MAP3K3: variants seen among roughly 807,000 people sequenced by gnomAD.
MAP3K3 encodes MAP/ERK kinase kinase 3.
MAP3K3 carries 12 observed loss-of-function variants against 80.9 expected under a neutral mutation model. That is an observed-to-expected ratio of 0.15 (90% CI 0.10 to 0.24). MAP3K3 has a LOEUF of 0.24. Ranked by LOEUF, MAP3K3 falls within the 10% of genes least tolerant of loss-of-function variation. The pLI is 1.00. For missense variants in MAP3K3, 596 were observed against 834.7 expected, an observed-to-expected ratio of 0.71 and a Z score of 3.52; for synonymous variants, 272 against 307.1, an observed-to-expected ratio of 0.89 and a Z score of 1.19.
rs778598069 is a variant in MAP3K3 at position 63,652,651 on chromosome 17, A to G, written c.262A>G (p.Asn88Asp). The G allele has an allele frequency of 6.2e-7, 1 of 1,610,100 alleles. No individual in the cohort carries two copies. ...GQPLDLHYMN[N>D]ELSILLKNQD... The stretch of plus-strand genomic sequence containing the variant: ...ACCTCTTGATCTACATTACATGAAC[A>G]ATGAGGTGAGAAGGCAGATGGATGG... The change falls in exon 4 of 16, where the codon AAT becomes GAT. Residue 88 changes from asparagine to aspartate, a missense_variant. Coordinates refer to ENST00000361733, the MANE Select transcript of MAP3K3 (RefSeq NM_002401.5).
rs766032902 is a variant in MAP3K3 at position 63,689,750 on chromosome 17, C to T, written c.1063+15C>T. 2 of 1,601,032 alleles carry T rather than the reference C, an allele frequency of 1.2e-6. No homozygotes were observed. Among genetic ancestry groups the T allele is most frequent in the Non-Finnish European group, 1.7e-6 (2 of 1,171,548 alleles). ...GCCAACCAAGTGTGAGGAGCTGTCC[C>T]TGGCTAGGAGGAGACTGCCCAGGTG... On this transcript the variant is annotated intron_variant, in intron 11 of 15. Coordinates refer to ENST00000361733, the MANE Select transcript of MAP3K3 (RefSeq NM_002401.5). This position sits in a 1 kb window ranked among gnomAD's most constrained non-coding sequence, Gnocchi z 4.3.
rs1412817142 is a variant in MAP3K3 at position 63,646,088 on chromosome 17, C to T, written c.167+14C>T. The T allele has an allele frequency of 6.2e-7, 1 of 1,613,050 alleles. No individual in the cohort carries two copies. Among genetic ancestry groups the T allele is most frequent in the Non-Finnish European group, 8.5e-7 (1 of 1,179,206 alleles). On this transcript the variant is annotated intron_variant, in intron 3 of 15. Transcript: ENST00000361733. The stretch of plus-strand genomic sequence containing the variant: ...CGGGGAGAGGCGGTAAGTCTGCCTT[C>T]TGATGAGTAGCTGTGTTCATGTATG...
intron 2 of MAP3K3, among the ~76,000 whole-genome samples, chr17:63,644,865 G>A (rs1341290531): frequency 2.0e-5 from 3 of 151,728 alleles, no homozygotes; most frequent in South Asian, 2.1e-4. Flanking sequence ...TTTCTTCATC[G>A]ACTATGACTT....
intron 3 of MAP3K3, 48 bp from the exon 4 acceptor site, chr17:63,652,509 A>G (rs1454410103): frequency 5.7e-6 from 7 of 1,222,862 alleles, no homozygotes; most frequent in South Asian, 2.4e-5. Context: ...TTTAAACCCT[A>G]CGTTTTAAGT....
At chr17:63,656,114 C>T (rs969296246) in intron 4 of MAP3K3, among the ~76,000 whole-genome samples, 2 of 151,868 alleles carry the variant, frequency 1.3e-5, no homozygotes, top group Non-Finnish European at 2.9e-5. Flanking sequence ...CCTGTAATCC[C>T]AGCTACTTGA....
chr17:63,688,662 G>A (rs991433097), intron 9 of MAP3K3, 68 bp downstream of exon 9: 30 of 1,501,696 alleles, frequency 2.0e-5, no homozygotes, highest in Middle Eastern at 1.7e-4. Context: ...GCTCTGCTTC[G>A]ACTTTTCTGA....
In MAP3K3 at chr17:63,689,695, G is replaced by C; in HGVS notation, c.1023G>C (p.Glu341Asp). 6.2e-7 allele frequency: 1 copy of C among 1,613,944 alleles called. No homozygotes were observed. The highest frequency in any genetic ancestry group is 1.3e-5 in the African/African-American group (1 of 75,056). Residue 341 changes from glutamate to aspartate, a missense_variant, in exon 11 of 16, where the codon GAG (glutamate) becomes GAC (aspartate). Physicochemically the swap from Glu to Asp is conservative, Grantham distance 45 (BLOSUM62 2). Coordinates refer to ENST00000361733, the MANE Select transcript of MAP3K3 (RefSeq NM_002401.5). The surrounding 1 kb of genome is among the most constrained non-coding windows in gnomAD (Gnocchi z 4.3). ...PRGRLRSADSENALSVQERNV... is the reference protein window; with the variant it reads ...PRGRLRSADSDNALSVQERNV... The stretch of plus-strand genomic sequence containing the variant: ...GGCGCCTGCGGAGTGCGGACAGCGA[G>C]AATGCCCTCTCTGTGCAGGAGAGGA...
intron 6 of MAP3K3, among the ~76,000 whole-genome samples, chr17:63,680,801 G>C (rs905941021): frequency 4.0e-5 from 6 of 148,294 alleles, no homozygotes; most frequent in Non-Finnish European, 5.9e-5. Context: ...TGGGTGTTTT[G>C]GGTTTTTTTT....
intron 6 of MAP3K3, among the ~76,000 whole-genome samples, chr17:63,678,543 G>T (rs1244744498): frequency 1.9e-4 from 29 of 152,272 alleles, no homozygotes; most frequent in African/African-American, 6.7e-4. Flanking sequence ...CAGGTGGGGA[G>T]GCCAGATTAC....
chr17:63,671,173 A>G (rs1428946824), intron 6 of MAP3K3, among the ~76,000 whole-genome samples: 5 of 152,024 alleles, frequency 3.3e-5, no homozygotes, highest in Admixed American at 2.0e-4. Context: ...CTGACAGAAC[A>G]TGGCGTTTTG....
chr17:63,638,395 G>T (rs117351812), intron 2 of MAP3K3, among the ~76,000 whole-genome samples: 1 of 152,148 alleles, frequency 6.6e-6, no homozygotes, highest in African/African-American at 2.4e-5. Flanking sequence ...TTCAGGTCAA[G>T]TTAGTTCATA....
At chr17:63,646,996 A>G (rs1250178421) in intron 3 of MAP3K3, among the ~76,000 whole-genome samples, 1 of 152,158 alleles carries the variant, frequency 6.6e-6, no homozygotes, top group Non-Finnish European at 1.5e-5. Flanking sequence ...ACCCATTAGT[A>G]TGAGGTCTTC....
At chr17:63,653,148 C>A (rs147997812) in intron 4 of MAP3K3, among the ~76,000 whole-genome samples, 1,773 of 152,274 alleles carry the variant, frequency 0.012, 30 homozygotes, top group African/African-American at 0.041. Context: ...CCAATAAGTT[C>A]TTTAACTCCT....
intron 2 of MAP3K3, among the ~76,000 whole-genome samples, chr17:63,645,027 C>T (rs944568648): frequency 1.3e-5 from 2 of 152,190 alleles, no homozygotes; most frequent in Non-Finnish European, 2.9e-5. Flanking sequence ...AATATCTCTT[C>T]CTCTTTAATT....
chr17:63,676,908 G>A (rs1009435171), intron 6 of MAP3K3, among the ~76,000 whole-genome samples: 1 of 152,226 alleles, frequency 6.6e-6, no homozygotes, highest in African/African-American at 2.4e-5. Flanking sequence ...TCATAGAAGT[G>A]CATGTGATTA....
rs576360327 is a variant in MAP3K3, at chr17:63,676,100, T to C, written c.503-5666T>C. 5.3e-5 allele frequency among the ~76,000 whole-genome samples: 8 copies of C among 152,332 alleles called. No homozygotes were observed. In the East Asian group the frequency reaches 1.5e-3, roughly 29 times the overall value. On this transcript the variant is annotated intron_variant, in intron 6 of 15. Coordinates refer to ENST00000361733, the MANE Select transcript of MAP3K3 (RefSeq NM_002401.5). ...TAGCCACTGGTTTGGGGAGACTTCC[T>C]TTTCCTGCTCCAGCCTGTGGGCCTG...
chr17:63,649,754 G>A (rs137982614), intron 3 of MAP3K3, among the ~76,000 whole-genome samples: 12 of 152,328 alleles, frequency 7.9e-5, no homozygotes, highest in African/African-American at 2.9e-4. Context: ...ATAGTCATAT[G>A]TGGCTAATGG....
At chr17:63,673,835 G>A (rs1033884927) in intron 6 of MAP3K3, among the ~76,000 whole-genome samples, 1 of 152,080 alleles carries the variant, frequency 6.6e-6, no homozygotes, top group African/African-American at 2.4e-5. Context: ...GCTTGAACCT[G>A]GGAAGCAGAG....
At chr17:63,678,818 A>G (rs1188425560) in intron 6 of MAP3K3, among the ~76,000 whole-genome samples, 3 of 152,168 alleles carry the variant, frequency 2.0e-5, no homozygotes, top group Non-Finnish European at 4.4e-5. Flanking sequence ...TCACCTGAAG[A>G]CAAGAGTTCA....
Sources: allele counts gnomAD v4.1 joint callset (sites outside exome capture counted in the v4.1 genomes callset), GRCh38; gene constraint gnomAD v4.1.1; non-coding constraint Gnocchi (gnomAD v3.1); transcripts MANE v1.5; gene names NCBI Gene and HGNC (gene_info 2026-07-23, HGNC 2026-07-21).